Variants in CLASP1 observed in about 807,000 individuals in gnomAD.
The protein encoded by CLASP1 is CLIP-associating protein 1.
CLASP1 carries 38 observed loss-of-function variants against 192.3 expected under a neutral mutation model. The observed-to-expected ratio is 0.20, with a 90% confidence interval of 0.15 to 0.26. CLASP1 has a LOEUF of 0.26. Among genes scored for constraint, CLASP1 ranks in the 10% least tolerant of loss-of-function variants. CLASP1 has a pLI of 1.00. For missense variants in CLASP1, 1,433 were observed against 1,932.5 expected, an observed-to-expected ratio of 0.74 and a Z score of 4.85; for synonymous variants, 691 against 712.8, an observed-to-expected ratio of 0.97 and a Z score of 0.49.
exon 19 of CLASP1, chr2:121,447,487 A>G (rs768308373): frequency 6.4e-7 from 1 of 1,553,816 alleles, no homozygotes; most frequent in Non-Finnish European, 8.7e-7. Context: ...GTTGACACAG[A>G]TTTGGTACTA....
chr2:121,469,497 T>G (rs1451725357), intron 9 of CLASP1, among the ~76,000 whole-genome samples: 4 of 152,170 alleles, frequency 2.6e-5, no homozygotes, highest in Non-Finnish European at 5.9e-5. Flanking sequence ...TCCAGATAAC[T>G]AAACAATGTG....
intron 24 of CLASP1, among the ~76,000 whole-genome samples, chr2:121,409,897 G>C (rs1191113836): frequency 6.6e-6 from 1 of 152,152 alleles, no homozygotes; most frequent in East Asian, 1.9e-4. Context: ...TACAGGAAAA[G>C]GATTAGGAGA....
intron 34 of CLASP1, among the ~76,000 whole-genome samples, chr2:121,372,721 G>A (rs2069011403): frequency 2.6e-5 from 4 of 152,260 alleles, no homozygotes; most frequent in Admixed American, 6.5e-5. Flanking sequence ...ACAGTAGCCT[G>A]TCTAAAATAT....
At chr2:121,617,188 C>T (rs1440724669) in intron 1 of CLASP1, among the ~76,000 whole-genome samples, 1 of 152,132 alleles carries the variant, frequency 6.6e-6, no homozygotes, top group Non-Finnish European at 1.5e-5. Flanking sequence ...ACTCCAGTCT[C>T]CCTGACTCCC....
Position 121,531,077 on chromosome 2 carries a change from G to A in CLASP1, c.196-752C>T, listed in dbSNP as rs548341094. ...TTCGTAAATAAACTAGTACTTTGTGGTTAAACCAGTAGAGGGTGCACAAGA... is the reference window on the plus strand; with the variant it reads ...TTCGTAAATAAACTAGTACTTTGTGATTAAACCAGTAGAGGGTGCACAAGA... On this transcript the variant is annotated intron_variant, in intron 2 of 39. Transcript: ENST00000263710. 8.2e-5 allele frequency: 56 copies of A among 686,996 alleles called. 1 individual carries two copies. Among genetic ancestry groups the A allele is most frequent in the East Asian group, 4.1e-4 (15 of 36,930 alleles). The allele number at this position is 686,996 out of a possible 1,614,324, so 42.6% of individuals were successfully genotyped here.
chr2:121,446,646 A>C (rs2084401200), intron 19 of CLASP1, among the ~76,000 whole-genome samples: 1 of 152,224 alleles, frequency 6.6e-6, no homozygotes, highest in Non-Finnish European at 1.5e-5. Flanking sequence ...CCTGACACAC[A>C]GTACGTGTTA....
At chr2:121,607,348 GA>G (rs2064576808) in intron 1 of CLASP1, among the ~76,000 whole-genome samples, 1 of 152,122 alleles carries the variant, frequency 6.6e-6, no homozygotes, top group South Asian at 2.1e-4. Context: ...CAAAAAAAGA[GA>G]AAGGAAATAG....
chr2:121,507,078 C>T (rs2093967665), intron 7 of CLASP1, among the ~76,000 whole-genome samples: 1 of 152,088 alleles, frequency 6.6e-6, no homozygotes, highest in Non-Finnish European at 1.5e-5. Flanking sequence ...AAATAAAAAT[C>T]AGTCAACAAA....
At chr2:121,441,468 G>A (rs59481318) in intron 19 of CLASP1, among the ~76,000 whole-genome samples, 336 of 152,340 alleles carry the variant, frequency 2.2e-3, no homozygotes, top group African/African-American at 7.8e-3. Context: ...GCTTACGCCT[G>A]TAATCCCAGC....
chr2:121,492,876 A>G (rs1298908473), intron 8 of CLASP1, among the ~76,000 whole-genome samples: 1 of 152,202 alleles, frequency 6.6e-6, no homozygotes, highest in African/African-American at 2.4e-5. Flanking sequence ...GCTTGTATAC[A>G]AATGTTCAAA....
rs780740078 is a variant in CLASP1 at position 121,363,153 on chromosome 2, G to A, written c.4206+19C>T. On this transcript the variant is annotated intron_variant, in intron 37 of 39. Coordinates refer to ENST00000263710, the Ensembl canonical transcript of CLASP1. ...CATGACCCGTCTGTTCAGCACCCCT[G>A]GCCACATGACTGACTCACCTCCTTA... 2 of 1,613,760 alleles carry A rather than the reference G, an allele frequency of 1.2e-6. No homozygotes were observed. The highest frequency in any genetic ancestry group is 3.3e-5 in the Admixed American group (2 of 59,994).
chr2:121,585,855 G>A (rs1190816951), intron 2 of CLASP1, among the ~76,000 whole-genome samples: 6 of 150,016 alleles, frequency 4.0e-5, no homozygotes, highest in African/African-American at 7.4e-5. Flanking sequence ...AGCCGAGATC[G>A]TGCCACAGCA....
chr2:121,478,786 ACACACAC>A (rs2092107941), intron 8 of CLASP1, among the ~76,000 whole-genome samples: 9 of 64,120 alleles, frequency 1.4e-4, no homozygotes, highest in Non-Finnish European at 2.2e-4. Flanking sequence ...CACACACCCC[ACACACAC>A]CACACACCAC....
At chr2:121,461,339 T>C in intron 10 of CLASP1, 146 bp from the exon 11 acceptor site, 1 of 585,498 alleles carries the variant, frequency 1.7e-6, no homozygotes, top group Non-Finnish European at 3.0e-6. Flanking sequence ...TGAACAGTTT[T>C]GTCTATAATG....
At chr2:121,505,073 T>C (rs1403625856) in intron 7 of CLASP1, 1 of 152,226 alleles carries the variant, frequency 6.6e-6, no homozygotes, top group African/African-American at 2.4e-5. Flanking sequence ...ATGACACCGG[T>C]TGCCAGGGCA....
At chr2:121,559,874 A>G (rs1477406182) in intron 2 of CLASP1, among the ~76,000 whole-genome samples, 1 of 152,150 alleles carries the variant, frequency 6.6e-6, no homozygotes, top group Non-Finnish European at 1.5e-5. Flanking sequence ...TAGTACCTTA[A>G]TAATTATCAT....
intron 2 of CLASP1, among the ~76,000 whole-genome samples, chr2:121,565,799 ACAGT>A (rs2059448084): frequency 6.6e-6 from 1 of 152,268 alleles, no homozygotes; most frequent in Non-Finnish European, 1.5e-5. Context: ...AGCAATACTG[ACAGT>A]CAGAACACAC....
At chr2:121,382,239 G>T (rs757124853) in exon 33 of CLASP1, 10 of 1,609,360 alleles carry the variant, frequency 6.2e-6, no homozygotes, top group Non-Finnish European at 8.5e-6. Flanking sequence ...AGAGCCTTGT[G>T]GGAGGGAGCG....
intron 2 of CLASP1, among the ~76,000 whole-genome samples, chr2:121,533,523 C>T (rs1278514907): frequency 6.6e-6 from 1 of 151,450 alleles, no homozygotes; most frequent in Non-Finnish European, 1.5e-5. Context: ...CTTTTTTTTT[C>T]CCCCTATTTC....
Sources: allele counts gnomAD v4.1 joint callset (sites outside exome capture counted in the v4.1 genomes callset), GRCh38; gene constraint gnomAD v4.1.1; transcripts MANE v1.5; gene names NCBI Gene and HGNC (gene_info 2026-07-23, HGNC 2026-07-21).